DPP6: variants seen among roughly 807,000 people sequenced by gnomAD.
DPP6 encodes the protein A-type potassium channel modulatory protein DPP6.
In DPP6, 69 loss-of-function variants were observed where a neutral mutation model predicts 122.6. The observed-to-expected ratio is 0.56, with a 90% confidence interval of 0.46 to 0.69. The LOEUF (loss-of-function observed/expected upper bound fraction) is 0.69. DPP6 is among the 30% of genes least tolerant of loss of function. The probability of loss-of-function intolerance (pLI) is 0.00; values close to 1 mark genes in which losing one functional copy is unlikely to be tolerated. For synonymous variants in DPP6, 418 were observed against 433.1 expected, an observed-to-expected ratio of 0.97 and a Z score of 0.43; for missense variants, 928 against 1,116.9, an observed-to-expected ratio of 0.83 and a Z score of 2.41.
intron 7 of DPP6, among the ~76,000 whole-genome samples, chr7:154,677,356 A>G (rs1284404392): frequency 6.6e-6 from 1 of 151,958 alleles, no homozygotes; most frequent in Non-Finnish European, 1.5e-5. Flanking sequence ...TTTTCTATGA[A>G]TCAGTGAAAG....
intron 17 of DPP6, among the ~76,000 whole-genome samples, chr7:154,858,045 G>T (rs1802987568): frequency 6.6e-6 from 1 of 152,164 alleles, no homozygotes; most frequent in Non-Finnish European, 1.5e-5. Flanking sequence ...TCCATTTGAT[G>T]CTCCATCCTG....
intron 7 of DPP6, among the ~76,000 whole-genome samples, chr7:154,711,284 G>C (rs545576921): frequency 2.0e-5 from 3 of 152,150 alleles, no homozygotes; most frequent in Non-Finnish European, 4.4e-5. Context: ...GGGCATGGTG[G>C]CCCACACATA....
intron 16 of DPP6, among the ~76,000 whole-genome samples, chr7:154,841,167 C>T (rs992015326): frequency 2.0e-5 from 3 of 152,110 alleles, no homozygotes; most frequent in South Asian, 2.1e-4. Context: ...CCAGGAGCTG[C>T]GAGAAGTATG....
At chr7:154,584,307 C>T (rs550137707) in intron 5 of DPP6, among the ~76,000 whole-genome samples, 3 of 152,358 alleles carry the variant, frequency 2.0e-5, no homozygotes, top group South Asian at 2.1e-4. Context: ...AGTTCTCCCA[C>T]GCCCTTCCAG....
At chr7:154,267,704 C>T (rs531871827) in intron 1 of DPP6, among the ~76,000 whole-genome samples, 2 of 139,944 alleles carry the variant, frequency 1.4e-5, no homozygotes, top group South Asian at 4.7e-4. Context: ...AACACATATA[C>T]ACACGTATAT....
intron 6 of DPP6, among the ~76,000 whole-genome samples, chr7:154,650,706 T>C (rs995968750): frequency 6.6e-6 from 1 of 152,120 alleles, no homozygotes; most frequent in Non-Finnish European, 1.5e-5. Context: ...AGTGCTGACA[T>C]GCAGCCTGCC....
At chr7:153,925,455 G>T (rs1159299983) in intron 1 of DPP6, among the ~76,000 whole-genome samples, 1 of 151,164 alleles carries the variant, frequency 6.6e-6, no homozygotes, top group Non-Finnish European at 1.5e-5. Context: ...GGTCCCCGAG[G>T]TTCTGATGAA....
intron 5 of DPP6, among the ~76,000 whole-genome samples, chr7:154,599,433 TG>T (rs1833292533): frequency 6.6e-6 from 1 of 152,082 alleles, no homozygotes; most frequent in African/African-American, 2.4e-5. Flanking sequence ...TGAATATTTG[TG>T]GGTAAGGCAA....
At chr7:154,735,065 C>T (rs1188644107) in intron 8 of DPP6, among the ~76,000 whole-genome samples, 3 of 152,172 alleles carry the variant, frequency 2.0e-5, no homozygotes, top group Non-Finnish European at 2.9e-5. Flanking sequence ...TTAATGATAC[C>T]TATCAGTGTT....
At chr7:153,962,566 C>T (rs1795406781) in intron 1 of DPP6, among the ~76,000 whole-genome samples, 1 of 152,212 alleles carries the variant, frequency 6.6e-6, no homozygotes, top group Non-Finnish European at 1.5e-5. Flanking sequence ...GTCCCAGCCC[C>T]TTACGTGAGC....
intron 16 of DPP6, among the ~76,000 whole-genome samples, chr7:154,852,170 A>G (rs1468695530): frequency 6.6e-6 from 1 of 152,220 alleles, no homozygotes; most frequent in Non-Finnish European, 1.5e-5. Context: ...CAGATTCCCT[A>G]GCTTTCAACC....
In DPP6 at chr7:154,660,236, A is replaced by G. The variant is rs190932979; in HGVS notation, c.681-9124A>G. On this transcript the variant is annotated intron_variant, in intron 6 of 25. Transcript: ENST00000377770. ...CCATGGCATATTGGCCGTAGTGTTC[A>G]TATAGTCATGGTGAATCACGATGGC... Among the ~76,000 whole-genome samples, 895 of 149,766 alleles carry G rather than the reference A, an allele frequency of 6.0e-3. 33 individuals carry two copies. The highest frequency in any genetic ancestry group is 0.021 in the African/African-American group (845 of 40,702).
chr7:154,019,485 A>G (rs1284262630), intron 1 of DPP6, among the ~76,000 whole-genome samples: 2 of 134,972 alleles, frequency 1.5e-5, no homozygotes, highest in East Asian at 2.1e-4. Flanking sequence ...CTATCTCTCT[A>G]TCCCTCTCCC....
At chr7:154,266,039 A>G (rs1279797632) in intron 1 of DPP6, among the ~76,000 whole-genome samples, 4 of 152,154 alleles carry the variant, frequency 2.6e-5, no homozygotes, top group Non-Finnish European at 5.9e-5. Context: ...CCCTCCCATT[A>G]TGGACTTGAC....
chr7:154,465,105 T>C (rs1051077355), intron 2 of DPP6, among the ~76,000 whole-genome samples: 1 of 152,206 alleles, frequency 6.6e-6, no homozygotes, highest in Non-Finnish European at 1.5e-5. Context: ...TTCTAGACCA[T>C]GGTCAACTGA....
At chr7:154,353,712 A>G (rs1811058099) in intron 1 of DPP6, among the ~76,000 whole-genome samples, 2 of 152,210 alleles carry the variant, frequency 1.3e-5, no homozygotes, top group South Asian at 2.1e-4. Flanking sequence ...CCTCCTGCAC[A>G]TGGAAGACGA....
intron 6 of DPP6, among the ~76,000 whole-genome samples, chr7:154,666,870 G>A (rs1838200203): frequency 6.6e-6 from 1 of 152,178 alleles, no homozygotes; most frequent in Admixed American, 6.5e-5. Context: ...GAAGTGTTGG[G>A]CTGAAAGTTA....
intron 1 of DPP6, among the ~76,000 whole-genome samples, chr7:154,102,984 T>C (rs1805861280): frequency 6.6e-6 from 1 of 152,078 alleles, no homozygotes; most frequent in Non-Finnish European, 1.5e-5. Context: ...ACCCCCATTC[T>C]GAATCACAAA....
intron 1 of DPP6, among the ~76,000 whole-genome samples, chr7:154,443,013 C>T (rs1405414000): frequency 2.6e-5 from 4 of 152,176 alleles, no homozygotes; most frequent in Non-Finnish European, 4.4e-5. Context: ...CCGAAGCCTG[C>T]ACCTGGCCCT....
Sources: gnomAD v4.1 joint callset for allele counts (sites outside exome capture counted in the v4.1 genomes callset) on GRCh38, gnomAD v4.1.1 for gene constraint, MANE v1.5 for transcripts, NCBI Gene and HGNC (gene_info 2026-07-23, HGNC 2026-07-21) for gene names.